PIK3C2G: variants seen among roughly 807,000 people sequenced by gnomAD.
PIK3C2G encodes the protein phosphatidylinositol 3-kinase C2 domain-containing subunit gamma.
PIK3C2G carries 168 observed loss-of-function variants against 181.1 expected under a neutral mutation model. That is an observed-to-expected ratio of 0.93 (90% CI 0.82 to 1.05). The LOEUF is 1.05. Among genes scored for constraint, PIK3C2G ranks in the 50% least tolerant of loss-of-function variants. PIK3C2G has a pLI of 0.00. For synonymous variants in PIK3C2G, 573 were observed against 592.2 expected (o/e 0.97, Z 0.47); for missense variants, 1,869 against 1,732.8 (o/e 1.08, Z -1.40).
chr12:18,329,843 A>C (rs1042364610), intron 8 of PIK3C2G, among the ~76,000 whole-genome samples: 13 of 152,124 alleles, frequency 8.5e-5, no homozygotes, highest in Admixed American at 8.5e-4. Flanking sequence ...AGTACAGTCC[A>C]AATTATAAGT....
At chr12:18,387,675 C>A (rs192461899) in intron 14 of PIK3C2G, among the ~76,000 whole-genome samples, 223 of 152,248 alleles carry the variant, frequency 1.5e-3, no homozygotes, top group African/African-American at 5.2e-3. Context: ...TCTATGTTCA[C>A]GTAATACCCA....
intron 18 of PIK3C2G, among the ~76,000 whole-genome samples, chr12:18,471,782 T>G (rs1417466386): frequency 2.0e-5 from 3 of 152,172 alleles, no homozygotes; most frequent in African/African-American, 7.2e-5. Flanking sequence ...TATGTTTTAT[T>G]TCTTCCAATT....
chr12:18,435,528 T>A (rs999971791), intron 18 of PIK3C2G, among the ~76,000 whole-genome samples: 1 of 152,132 alleles, frequency 6.6e-6, no homozygotes, highest in Non-Finnish European at 1.5e-5. Flanking sequence ...TCTTTTCTTA[T>A]GACAGAGTTT....
chr12:18,590,637 T>C (rs576039137), intron 29 of PIK3C2G, among the ~76,000 whole-genome samples: 24 of 151,938 alleles, frequency 1.6e-4, no homozygotes, highest in Admixed American at 1.3e-4. Context: ...CTTCAGACTA[T>C]CTATTGGTGC....
chr12:18,717,865 C>T, the PIK3C2G span, among the ~76,000 whole-genome samples: 1,091 of 152,208 alleles, frequency 7.2e-3, 13 homozygotes, highest in African/African-American at 0.025. Context: ...AAAGAAAATA[C>T]GCATTCAGTG....
the PIK3C2G span, among the ~76,000 whole-genome samples, chr12:18,671,889 GCTCAT>G: frequency 6.6e-6 from 1 of 152,058 alleles, no homozygotes; most frequent in African/African-American, 2.4e-5. Context: ...TCTGGTGAAG[GCTCAT>G]CTCCCATATA....
chr12:18,433,395 C>T (rs1244933010), intron 18 of PIK3C2G, among the ~76,000 whole-genome samples: 1 of 151,900 alleles, frequency 6.6e-6, no homozygotes, highest in African/African-American at 2.4e-5. Context: ...TGCCTGTAAT[C>T]CTAGCTACTT....
intron 11 of PIK3C2G, 53 bp from the exon 12 acceptor site, chr12:18,362,711 A>G: frequency 7.4e-7 from 1 of 1,355,634 alleles, no homozygotes; most frequent in Non-Finnish European, 9.8e-7. Flanking sequence ...CCATATAGAA[A>G]GCTAGTTTCT....
At chr12:18,466,925 C>A in intron 18 of PIK3C2G, among the ~76,000 whole-genome samples, 1 of 151,984 alleles carries the variant, frequency 6.6e-6, no homozygotes, top group East Asian at 1.9e-4. Context: ...TGGAATGTTT[C>A]TAATTTAGTA....
chr12:18,606,880 T>A (rs1948052592), intron 30 of PIK3C2G, among the ~76,000 whole-genome samples: 1 of 152,134 alleles, frequency 6.6e-6, no homozygotes. Flanking sequence ...AATAAATTTT[T>A]AATTAAAAAA....
intron 25 of PIK3C2G, among the ~76,000 whole-genome samples, chr12:18,543,957 A>T (rs1944295840): frequency 6.6e-6 from 1 of 151,906 alleles, no homozygotes; most frequent in Admixed American, 6.6e-5. Context: ...AAACATACAT[A>T]TGAACAAAAC....
At chr12:18,480,563 A>C (rs1274421171) in intron 18 of PIK3C2G, among the ~76,000 whole-genome samples, 4 of 152,102 alleles carry the variant, frequency 2.6e-5, no homozygotes, top group Non-Finnish European at 4.4e-5. Flanking sequence ...CATTGGACCA[A>C]ATTGAGGACT....
chr12:18,693,204 C>T, the PIK3C2G span: 1 of 1,570,078 alleles, frequency 6.4e-7, no homozygotes, highest in South Asian at 1.1e-5. Flanking sequence ...AGACAAGGAT[C>T]TTCTGGAACC....
chr12:18,363,136 G>C, intron 12 of PIK3C2G: 1 of 294,372 alleles, frequency 3.4e-6, no homozygotes, highest in East Asian at 7.2e-5. Context: ...ATTGAAAAAA[G>C]AAGAAGACTT....
chr12:18,563,244 G>T, intron 27 of PIK3C2G, 133 bp from the exon 28 acceptor site: 1 of 758,544 alleles, frequency 1.3e-6, no homozygotes, highest in East Asian at 2.7e-5. Context: ...TTTACAAAAT[G>T]CATCTCCTAG....
chr12:18,704,500 A>AT, the PIK3C2G span, among the ~76,000 whole-genome samples: 2 of 151,914 alleles, frequency 1.3e-5, no homozygotes, highest in African/African-American at 4.8e-5. Flanking sequence ...TAATTTTTGT[A>AT]TTTTTAGTAG....
At chr12:18,636,482 C>T (rs1290157011) in intron 31 of PIK3C2G, among the ~76,000 whole-genome samples, 14 of 152,224 alleles carry the variant, frequency 9.2e-5, no homozygotes, top group Middle Eastern at 3.4e-3. Context: ...CCACCCACCT[C>T]GGCCTCCCAA....
chr12:18,343,668 C>T (rs1287591511), intron 10 of PIK3C2G, among the ~76,000 whole-genome samples: 1 of 151,860 alleles, frequency 6.6e-6, no homozygotes, highest in South Asian at 2.1e-4. Flanking sequence ...TATAACCATT[C>T]CAAGACATTG....
At chr12:18,713,388 G>A in the PIK3C2G span, among the ~76,000 whole-genome samples, 1 of 152,062 alleles carries the variant, frequency 6.6e-6, no homozygotes, top group African/African-American at 2.4e-5. Flanking sequence ...AATGTTCAAA[G>A]CCCTCTCAGA....
Sources: gnomAD v4.1 joint callset for allele counts (sites outside exome capture counted in the v4.1 genomes callset) on GRCh38, gnomAD v4.1.1 for gene constraint, MANE v1.5 for transcripts, NCBI Gene and HGNC (gene_info 2026-07-23, HGNC 2026-07-21) for gene names.